Variants in OSBPL3 observed in about 807,000 individuals in gnomAD.
OSBPL3 encodes the protein oxysterol binding protein like 3.
A neutral mutation model predicts 120.1 loss-of-function variants in OSBPL3; 65 were observed. The observed-to-expected ratio is 0.54, with a 90% CI of 0.44 to 0.67. The LOEUF is 0.67. Among genes scored for constraint, OSBPL3 ranks in the 30% least tolerant of loss-of-function variants. The pLI is 0.00. For synonymous variants in OSBPL3, 416 were observed against 402.6 expected (o/e 1.03, Z -0.40); for missense variants, 1,004 against 1,082.1 (o/e 0.93, Z 1.01).
At chr7:24,935,389 C>T (rs1192438390) in intron 1 of OSBPL3, among the ~76,000 whole-genome samples, 1 of 152,064 alleles carries the variant, frequency 6.6e-6, no homozygotes, top group African/African-American at 2.4e-5. Context: ...CATGTACTCA[C>T]TTTGTGTGTA....
At chr7:24,910,713 C>A (rs1174942985) in intron 1 of OSBPL3, among the ~76,000 whole-genome samples, 4 of 152,166 alleles carry the variant, frequency 2.6e-5, no homozygotes, top group Non-Finnish European at 4.4e-5. Flanking sequence ...GTGCTATGGG[C>A]AGTCACAAGG....
chr7:24,923,592 T>G (rs990601559), intron 1 of OSBPL3, among the ~76,000 whole-genome samples: 19 of 151,604 alleles, frequency 1.3e-4, no homozygotes, highest in African/African-American at 4.6e-4. Context: ...GACTAAAAGA[T>G]AAGAGAGATT....
Position 24,863,376 on chromosome 7 carries a change from C to T in OSBPL3, c.778-84G>A. ...TAAATGCATAGCAAAGTGACCACCT[C>T]CATCCCCTTGACTTTGGCTGAAGCA... On this transcript the variant is annotated intron_variant, in intron 8 of 22. Transcript: ENST00000313367. The surrounding 1 kb of genome is among the most constrained non-coding windows in gnomAD (Gnocchi z 5.8). The T allele has an allele frequency of 7.2e-7, 1 of 1,385,086 alleles. No homozygotes were observed. Among genetic ancestry groups the T allele is most frequent in the South Asian group, 1.2e-5 (1 of 86,198 alleles). 85.8% of individuals were successfully genotyped at this position (1,385,086 alleles called of 1,614,324 possible).
At chr7:24,980,868 C>T (rs1818264266), upstream of OSBPL3, among the ~76,000 whole-genome samples, 1 of 151,988 alleles carries the variant, frequency 6.6e-6, no homozygotes, top group South Asian at 2.1e-4. Flanking sequence ...ATTAAATCTC[C>T]CTGAAAGACG....
Position 24,881,711 on chromosome 7 carries a change from T to C in OSBPL3, c.97-9642A>G, listed in dbSNP as rs781574334. 5.3e-5 allele frequency among the ~76,000 whole-genome samples: 8 copies of C among 152,186 alleles called. No homozygotes were observed. The highest frequency in any genetic ancestry group is 8.8e-5 in the Non-Finnish European group (6 of 68,030). ...CAACTTGATGAGCAGTCACAAACTT[T>C]GGTGGCTTAAATAAACAGATATTTA... On this transcript the variant is annotated intron_variant, in intron 2 of 22. Coordinates refer to ENST00000313367, the MANE Select transcript of OSBPL3 (RefSeq NM_015550.4). This position sits in a 1 kb window ranked among gnomAD's most constrained non-coding sequence, Gnocchi z 4.3.
chr7:24,833,976 AAG>A lies in OSBPL3; in HGVS notation c.1746+508_1746+509del, dbSNP rs1418240571. 1.8e-5 allele frequency: 7 copies of A among 381,918 alleles called. No individual in the cohort carries two copies. Among genetic ancestry groups the A allele is most frequent in the Admixed American group, 6.4e-5 (1 of 15,546 alleles). The allele number at this position is 381,918 out of a possible 1,614,324, so 23.7% of individuals were successfully genotyped here. ...ATAAAATAAGAGGGAGAGAGAAAAA[AAG>A]AATATTTCTGATGTGAAAACCTCCT... On this transcript the variant is annotated intron_variant, in intron 15 of 22. Coordinates refer to ENST00000313367, the MANE Select transcript of OSBPL3 (RefSeq NM_015550.4). This position sits in a 1 kb window ranked among gnomAD's most constrained non-coding sequence, Gnocchi z 4.4.
chr7:24,870,937 A>C (rs1802023541), intron 4 of OSBPL3, 92 bp from the exon 5 acceptor site: 2 of 823,840 alleles, frequency 2.4e-6, no homozygotes, highest in Non-Finnish European at 4.3e-6. Context: ...CCTGATAGTA[A>C]AATCACAAAC....
rs767655942 is a variant in OSBPL3 at position 24,842,261 on chromosome 7, T to G, written c.1401+18A>C. ...AAGAGAGATTTTTGAGGCACCATAC[T>G]GTAAACATTGCTCAAACCTCGTTTT... On this transcript the variant is annotated intron_variant, in intron 13 of 22. Transcript: ENST00000313367. 178 of 1,611,138 alleles carry G rather than the reference T, an allele frequency of 1.1e-4. No individual in the cohort carries two copies. Among genetic ancestry groups the G allele is most frequent in the Non-Finnish European group, 1.3e-4 (159 of 1,179,322 alleles).
chr7:24,885,519 T>A (rs916863892), intron 2 of OSBPL3, among the ~76,000 whole-genome samples: 12 of 152,326 alleles, frequency 7.9e-5, no homozygotes, highest in Admixed American at 6.5e-4. Context: ...AAGAGTGAAT[T>A]GCATAATTGT....
intron 1 of OSBPL3, among the ~76,000 whole-genome samples, chr7:24,943,903 AT>A (rs1343282514): frequency 6.6e-6 from 1 of 152,162 alleles, no homozygotes; most frequent in East Asian, 1.9e-4. Context: ...AATTTGTGAA[AT>A]TTACTTATGT....
intron 10 of OSBPL3, among the ~76,000 whole-genome samples, chr7:24,857,217 C>G (rs937183700): frequency 6.6e-6 from 1 of 152,176 alleles, no homozygotes. Context: ...TGACTTTGTT[C>G]TATGTAGCTT....
In OSBPL3 at chr7:24,834,342, A is replaced by G. The variant is rs1332717586; in HGVS notation, c.1746+144T>C. The stretch of plus-strand genomic sequence containing the variant: ...GAAACAGCCAGGCGGAGGAAGCCAG[A>G]CAGCTCTGAGTAATGAACCTGTTTA... On this transcript the variant is annotated intron_variant, in intron 15 of 22. Transcript: ENST00000313367. This position sits in a 1 kb window ranked among gnomAD's most constrained non-coding sequence, Gnocchi z 5.2. The G allele has an allele frequency of 1.3e-6, 2 of 1,486,302 alleles. No homozygotes were observed. Among genetic ancestry groups the G allele is most frequent in the Non-Finnish European group, 1.8e-6 (2 of 1,117,622 alleles). 92.1% of individuals were successfully genotyped at this position (1,486,302 alleles called of 1,614,324 possible). A position where few individuals can be genotyped will look rare whatever the true frequency, so the allele number is the denominator to read the frequency against.
At chr7:24,887,240 C>T (rs1804658116) in intron 2 of OSBPL3, among the ~76,000 whole-genome samples, 1 of 152,158 alleles carries the variant, frequency 6.6e-6, no homozygotes, top group Admixed American at 6.5e-5. Context: ...ATGATTAAGA[C>T]AGTCAGGAGG....
intron 5 of OSBPL3, among the ~76,000 whole-genome samples, chr7:24,869,185 C>T (rs1248441641): frequency 6.6e-6 from 1 of 152,144 alleles, no homozygotes; most frequent in African/African-American, 2.4e-5. Flanking sequence ...AAATATTAAA[C>T]TGCATTTATC....
chr7:24,845,024 C>A (rs530247282), intron 12 of OSBPL3, among the ~76,000 whole-genome samples: 18 of 151,822 alleles, frequency 1.2e-4, no homozygotes, highest in Non-Finnish European at 2.6e-4. Context: ...TACAGATTTG[C>A]GAAAATGGTT....
rs1032314023 is a variant in OSBPL3, at chr7:24,862,406, A to G, written c.871-637T>C. 6.6e-6 allele frequency among the ~76,000 whole-genome samples: 1 copy of G among 152,188 alleles called. No homozygotes were observed. The highest frequency in any genetic ancestry group is 2.4e-5 in the African/African-American group (1 of 41,458). ...TCCTTCCTCCTGGCAATAATCATCC[A>G]TGTATCCAGGCGGTTAGTAATGGAT... On this transcript the variant is annotated intron_variant, in intron 9 of 22. Coordinates refer to ENST00000313367, the MANE Select transcript of OSBPL3 (RefSeq NM_015550.4). This position sits in a 1 kb window ranked among gnomAD's most constrained non-coding sequence, Gnocchi z 4.4.
rs960035045 is a variant in OSBPL3, at chr7:24,900,837, C to T, written c.-149-8216G>A. On this transcript the variant is annotated intron_variant, in intron 1 of 22. Transcript: ENST00000313367. This position sits in a 1 kb window ranked among gnomAD's most constrained non-coding sequence, Gnocchi z 4.5. ...TATTAGGTTGGTGTGAAAGTAAGTG[C>T]GGATTTTGCCATTGGCACGAACCTA... Among the ~76,000 whole-genome samples, 1 of 152,062 alleles carries T rather than the reference C, an allele frequency of 6.6e-6. No homozygotes were observed. The highest frequency in any genetic ancestry group is 1.5e-5 in the Non-Finnish European group (1 of 68,018).
intron 1 of OSBPL3, among the ~76,000 whole-genome samples, chr7:24,924,636 C>G (rs559090738): frequency 6.6e-6 from 1 of 152,342 alleles, no homozygotes; most frequent in East Asian, 1.9e-4. Flanking sequence ...GCTGCTGATA[C>G]TCTGATGGGC....
At position 24,834,401 on chromosome 7, in the gene OSBPL3, G is replaced by A; in HGVS notation, c.1746+85C>T. The A allele has an allele frequency of 1.3e-6, 2 of 1,542,064 alleles. No homozygotes were observed. Among genetic ancestry groups the A allele is most frequent in the East Asian group, 2.3e-5 (1 of 44,104 alleles). On this transcript the variant is annotated intron_variant, in intron 15 of 22. Coordinates refer to ENST00000313367, the MANE Select transcript of OSBPL3 (RefSeq NM_015550.4). This position sits in a 1 kb window ranked among gnomAD's most constrained non-coding sequence, Gnocchi z 5.2. ...TCAAAATGAAACCGGAGGGAACAGG[G>A]GCTGTCTCTCTGATGGGCCCCGTGA...
Sources: allele counts gnomAD v4.1 joint callset (sites outside exome capture counted in the v4.1 genomes callset), GRCh38; gene constraint gnomAD v4.1.1; non-coding constraint Gnocchi (gnomAD v3.1); transcripts MANE v1.5; gene names NCBI Gene and HGNC (gene_info 2026-07-23, HGNC 2026-07-21).